Variants in MAF observed in about 807,000 individuals in gnomAD.
MAF encodes MAF bZIP transcription factor.
MAF carries 10 observed loss-of-function variants against 22.0 expected under a neutral mutation model. The observed-to-expected ratio is 0.45, with a 90% CI of 0.28 to 0.77. MAF has a LOEUF of 0.77. Ranked by LOEUF, MAF falls within the 30% of genes least tolerant of loss-of-function variation. The pLI, the probability that MAF is intolerant of heterozygous loss-of-function variation, is 0.12. For synonymous variants in MAF, 337 were observed against 255.8 expected, an observed-to-expected ratio of 1.32 and a Z score of -3.03; for missense variants, 544 against 548.4, an observed-to-expected ratio of 0.99 and a Z score of 0.08.
chr16:79,235,722 G>T, the MAF span, among the ~76,000 whole-genome samples: 1 of 151,922 alleles, frequency 6.6e-6, no homozygotes, highest in Non-Finnish European at 1.5e-5. Flanking sequence ...AATGTTGGGA[G>T]GTGGGCTAAA....
At chr16:79,483,258 G>A in the MAF span, among the ~76,000 whole-genome samples, 10 of 23,224 alleles carry the variant, frequency 4.3e-4, no homozygotes, top group East Asian at 2.7e-3. Context: ...CCCCTCCCCC[G>A]TCCCTCCCTA....
At chr16:79,530,767 T>C in the MAF span, among the ~76,000 whole-genome samples, 3 of 152,216 alleles carry the variant, frequency 2.0e-5, no homozygotes, top group Non-Finnish European at 4.4e-5. Flanking sequence ...TGTGGTTTAT[T>C]GTATCCTTTC....
the MAF span, among the ~76,000 whole-genome samples, chr16:79,325,734 G>T: frequency 2.0e-5 from 3 of 152,320 alleles, no homozygotes; most frequent in South Asian, 2.1e-4. Context: ...AAGTGAGAAG[G>T]CAGGAAGGCA....
the MAF span, among the ~76,000 whole-genome samples, chr16:79,243,782 A>G: frequency 1.2e-4 from 18 of 152,208 alleles, no homozygotes; most frequent in Non-Finnish European, 7.4e-5. Flanking sequence ...ATTTGAGGCC[A>G]ATATCCCTGA....
the MAF span, among the ~76,000 whole-genome samples, chr16:79,532,006 T>C: frequency 6.6e-6 from 1 of 152,114 alleles, no homozygotes; most frequent in Non-Finnish European, 1.5e-5. Context: ...CCAGAAACAA[T>C]AGGGAATACC....
chr16:79,404,715 G>A, the MAF span, among the ~76,000 whole-genome samples: 2 of 151,976 alleles, frequency 1.3e-5, no homozygotes, highest in African/African-American at 4.8e-5. Context: ...GTGGATGACA[G>A]CCATCACAAA....
At chr16:79,470,306 C>T in the MAF span, among the ~76,000 whole-genome samples, 1 of 152,172 alleles carries the variant, frequency 6.6e-6, no homozygotes, top group Non-Finnish European at 1.5e-5. Flanking sequence ...CGCCCATCCG[C>T]CCTTTCCTGG....
chr16:79,488,784 C>T, the MAF span, among the ~76,000 whole-genome samples: 67 of 152,240 alleles, frequency 4.4e-4, no homozygotes, highest in African/African-American at 1.3e-3. Flanking sequence ...TCTTACCTCT[C>T]GTTCATCAAC....
chr16:79,234,659 C>G, the MAF span, among the ~76,000 whole-genome samples: 1 of 152,100 alleles, frequency 6.6e-6, no homozygotes, highest in Admixed American at 6.6e-5. Context: ...CAAGCCCACA[C>G]CTTTGTCCTA....
At chr16:79,373,025 A>G in the MAF span, among the ~76,000 whole-genome samples, 1 of 152,054 alleles carries the variant, frequency 6.6e-6, no homozygotes, top group African/African-American at 2.4e-5. Flanking sequence ...TATATGCGGG[A>G]CCATGGTTGC....
chr16:79,559,747 A>G, the MAF span, among the ~76,000 whole-genome samples: 1 of 151,852 alleles, frequency 6.6e-6, no homozygotes, highest in Admixed American at 6.6e-5. Flanking sequence ...GCTATATTTC[A>G]CTCTAATTTT....
At chr16:79,335,353 C>G in the MAF span, among the ~76,000 whole-genome samples, 6,173 of 152,104 alleles carry the variant, frequency 0.041, 398 homozygotes, top group African/African-American at 0.14. Context: ...CGTACTATGG[C>G]CGACCAGCCT....
At chr16:79,482,888 CCTT>C in the MAF span, among the ~76,000 whole-genome samples, 3 of 120,520 alleles carry the variant, frequency 2.5e-5, no homozygotes, top group African/African-American at 3.2e-5. Context: ...CTCCCTCCCT[CCTT>C]CCTTCCCTCC....
chr16:79,210,264 G>C, the MAF span, among the ~76,000 whole-genome samples: 2 of 152,132 alleles, frequency 1.3e-5, no homozygotes, highest in Non-Finnish European at 2.9e-5. Flanking sequence ...ACAAACCCAA[G>C]TCTGCCTTAT....
At chr16:79,588,844 A>T (rs1232521463), downstream of MAF, among the ~76,000 whole-genome samples, 3 of 152,174 alleles carry the variant, frequency 2.0e-5, no homozygotes, top group African/African-American at 7.2e-5. Flanking sequence ...AAATAAATAA[A>T]TTTTTTAAGC....
chr16:79,206,304 G>A, the MAF span: 1 of 152,186 alleles, frequency 6.6e-6, no homozygotes, highest in South Asian at 2.1e-4. Flanking sequence ...ATGAGGAAAT[G>A]GGCCACGTGC....
the MAF span, among the ~76,000 whole-genome samples, chr16:79,240,060 G>C: frequency 6.6e-6 from 1 of 151,826 alleles, no homozygotes; most frequent in South Asian, 2.1e-4. Flanking sequence ...CCTTCTCTTT[G>C]CTTGCAAAGA....
chr16:79,477,047 A>G, the MAF span, among the ~76,000 whole-genome samples: 1 of 152,182 alleles, frequency 6.6e-6, no homozygotes, highest in Non-Finnish European at 1.5e-5. Context: ...CATTTCTGAC[A>G]AGGCCAATAG....
At chr16:79,362,420 T>G in the MAF span, among the ~76,000 whole-genome samples, 1 of 152,098 alleles carries the variant, frequency 6.6e-6, no homozygotes, top group South Asian at 2.1e-4. Flanking sequence ...CTCAATGAAT[T>G]TTGTTGTTGC....
Sources: gnomAD v4.1 joint callset for allele counts (sites outside exome capture counted in the v4.1 genomes callset) on GRCh38, gnomAD v4.1.1 for gene constraint, MANE v1.5 for transcripts, NCBI Gene and HGNC (gene_info 2026-07-23, HGNC 2026-07-21) for gene names.